PCCA: variants seen among roughly 807,000 people sequenced by gnomAD.
The protein encoded by PCCA is propionyl-CoA carboxylase alpha chain, mitochondrial.
Under a neutral mutation model 101.3 loss-of-function variants are expected in PCCA, and 74 were observed. That is an observed-to-expected ratio of 0.73 (90% CI 0.61 to 0.89). PCCA has a LOEUF of 0.89. Ranked by LOEUF, PCCA falls within the 40% of genes least tolerant of loss-of-function variation. PCCA has a pLI of 0.00. For synonymous variants in PCCA, 294 were observed against 313.6 expected (o/e 0.94, Z 0.66); for missense variants, 891 against 907.0 (o/e 0.98, Z 0.23).
At chr13:100,155,661 A>C (rs2053806131) in intron 5 of PCCA, among the ~76,000 whole-genome samples, 1 of 152,200 alleles carries the variant, frequency 6.6e-6, no homozygotes, top group African/African-American at 2.4e-5. Context: ...TATCAGAAAC[A>C]GTGTTTTTTC....
intron 15 of PCCA, 76 bp from the exon 16 acceptor site, chr13:100,309,753 TTTAA>T (rs1181327903): frequency 1.1e-6 from 1 of 935,838 alleles, no homozygotes; most frequent in Non-Finnish European, 1.6e-6. Flanking sequence ...TATGAAATAT[TTTAA>T]TTTTTACTAA....
At chr13:100,254,760 T>G (rs1566803810) in intron 8 of PCCA, among the ~76,000 whole-genome samples, 2 of 152,158 alleles carry the variant, frequency 1.3e-5, no homozygotes, top group Admixed American at 6.5e-5. Flanking sequence ...GTTACATTAT[T>G]TCAGAATATA....
intron 18 of PCCA, among the ~76,000 whole-genome samples, chr13:100,348,910 C>CTTCCTTTCT (rs1372360501): frequency 3.3e-4 from 17 of 51,542 alleles, no homozygotes; most frequent in East Asian, 1.5e-3. Flanking sequence ...TCCTTCCTTC[C>CTTCCTTTCT]TTTCTTTTCT....
At chr13:100,376,747 G>T (rs1399505201) in intron 19 of PCCA, among the ~76,000 whole-genome samples, 2 of 152,196 alleles carry the variant, frequency 1.3e-5, no homozygotes, top group Non-Finnish European at 2.9e-5. Context: ...GGGCTCCGTG[G>T]GGCTGGGATC....
At chr13:100,436,218 C>A (rs1361740306) in intron 20 of PCCA, among the ~76,000 whole-genome samples, 1 of 152,152 alleles carries the variant, frequency 6.6e-6, no homozygotes, top group Non-Finnish European at 1.5e-5. Flanking sequence ...AAGTTGCAGC[C>A]TATAAGGTTG....
intron 21 of PCCA, among the ~76,000 whole-genome samples, chr13:100,481,380 A>G (rs1281083822): frequency 2.0e-5 from 3 of 152,110 alleles, no homozygotes; most frequent in African/African-American, 7.2e-5. Flanking sequence ...CAACATGGCA[A>G]AACTCTGCCT....
At chr13:100,200,298 G>A (rs1037986078) in intron 6 of PCCA, among the ~76,000 whole-genome samples, 2 of 152,084 alleles carry the variant, frequency 1.3e-5, no homozygotes, top group Non-Finnish European at 2.9e-5. Context: ...TATAGATGGG[G>A]TTTCACCATG....
At chr13:100,095,538 G>A (rs116669903) in intron 1 of PCCA, among the ~76,000 whole-genome samples, 248 of 152,320 alleles carry the variant, frequency 1.6e-3, no homozygotes, top group African/African-American at 5.7e-3. Context: ...GCTGAGTTGG[G>A]GATGTTACCT....
chr13:100,164,088 T>A (rs1357716512), intron 6 of PCCA, among the ~76,000 whole-genome samples: 1 of 152,182 alleles, frequency 6.6e-6, no homozygotes, highest in African/African-American at 2.4e-5. Flanking sequence ...TGTGAAAATG[T>A]TATAATTTTG....
At position 100,450,427 on chromosome 13, in the gene PCCA, T is replaced by C. The variant is rs1292291475; in HGVS notation, c.1899+1122T>C. ...AAAAAGTACCTTATTTTAATTTTCA[T>C]TTTTCTGTTTATTGCTATTGTATTT... On this transcript the variant is annotated intron_variant, in intron 21 of 23. Coordinates refer to ENST00000376285, the MANE Select transcript of PCCA (RefSeq NM_000282.4). Among the ~76,000 whole-genome samples, 3 of 152,106 alleles carry C rather than the reference T, an allele frequency of 2.0e-5. No individual in the cohort carries two copies. The East Asian group carries it at 5.8e-4, about 29-fold the overall frequency.
chr13:100,237,433 A>G (rs2060867161), intron 8 of PCCA: 1 of 152,160 alleles, frequency 6.6e-6, no homozygotes, highest in South Asian at 2.1e-4. Context: ...TTAACATTTC[A>G]AAAAGCCTAT....
At chr13:100,301,353 C>T in intron 12 of PCCA, 107 bp from the exon 13 acceptor site, 1 of 1,166,140 alleles carries the variant, frequency 8.6e-7, no homozygotes, top group Non-Finnish European at 1.3e-6. Context: ...TCAAATGTTA[C>T]ATTCGATTAA....
chr13:100,483,146 G>A (rs755130261), intron 21 of PCCA, among the ~76,000 whole-genome samples: 5 of 151,476 alleles, frequency 3.3e-5, no homozygotes, highest in Non-Finnish European at 5.9e-5. Context: ...GAAAAGCCAC[G>A]TTTTACTTTT....
intron 19 of PCCA, among the ~76,000 whole-genome samples, chr13:100,401,990 G>C (rs1189189038): frequency 6.6e-6 from 1 of 152,042 alleles, no homozygotes; most frequent in Non-Finnish European, 1.5e-5. Flanking sequence ...AATGAGCTAT[G>C]GTAAGTATGC....
intron 19 of PCCA, among the ~76,000 whole-genome samples, chr13:100,403,550 G>T (rs1444286919): frequency 2.6e-5 from 4 of 152,082 alleles, no homozygotes; most frequent in Non-Finnish European, 5.9e-5. Context: ...ACTTTTAAAT[G>T]ACCAGATTTC....
At chr13:100,478,463 C>T (rs2083603385) in intron 21 of PCCA, among the ~76,000 whole-genome samples, 1 of 152,226 alleles carries the variant, frequency 6.6e-6, no homozygotes, top group African/African-American at 2.4e-5. Flanking sequence ...GGCCCCACCC[C>T]TTCCCTGGGT....
At chr13:100,482,957 A>G (rs1234103659) in intron 21 of PCCA, among the ~76,000 whole-genome samples, 3 of 152,208 alleles carry the variant, frequency 2.0e-5, no homozygotes, top group Non-Finnish European at 4.4e-5. Context: ...AGATACTACC[A>G]TATTATCTAA....
rs1566977702 is a variant in PCCA, at chr13:100,348,925, T to TTTCCTTCCTTCCTTCCTTCC, written c.1643+8668_1643+8669insCCTTCCTTCCTTCCTTCCTT. Among the ~76,000 whole-genome samples the TTTCCTTCCTTCCTTCCTTCC allele has an allele frequency of 2.6e-4, 30 of 115,160 alleles. 2 individuals are homozygous for TTTCCTTCCTTCCTTCCTTCC. Among genetic ancestry groups the TTTCCTTCCTTCCTTCCTTCC allele is most frequent in the Middle Eastern group, 4.4e-3 (1 of 226 alleles). The allele number at this position is 115,160 out of a possible 152,430, so 75.5% of individuals were successfully genotyped here. A position where few individuals can be genotyped will look rare whatever the true frequency, so the allele number is the denominator to read the frequency against. On this transcript the variant is annotated intron_variant, in intron 18 of 23. Coordinates refer to ENST00000376285, the MANE Select transcript of PCCA (RefSeq NM_000282.4). ...TCCTTCCTTCCTTTCTTTTCTTTTCTTTTCTTTTCTTTCTTTTCTTTCTTT... is the reference window on the plus strand; with the variant it reads ...TCCTTCCTTCCTTTCTTTTCTTTTCTTTCCTTCCTTCCTTCCTTCCTTTCTTTTCTTTCTTTTCTTTCTTT...
chr13:100,421,468 CA>C (rs1240573663), intron 19 of PCCA, among the ~76,000 whole-genome samples: 4 of 152,100 alleles, frequency 2.6e-5, no homozygotes, highest in South Asian at 2.1e-4. Flanking sequence ...AGAGATGACT[CA>C]TTTTTTTAAA....
Sources: gnomAD v4.1 joint callset for allele counts (sites outside exome capture counted in the v4.1 genomes callset) on GRCh38, gnomAD v4.1.1 for gene constraint, MANE v1.5 for transcripts, NCBI Gene and HGNC (gene_info 2026-07-23, HGNC 2026-07-21) for gene names.